Variants in WWP1 observed in about 807,000 individuals in gnomAD.
WWP1 encodes the protein WW domain containing E3 ubiquitin protein ligase 1, also known as NEDD4-like E3 ubiquitin-protein ligase WWP1.
Under a neutral mutation model 130.6 loss-of-function variants are expected in WWP1, and 49 were observed. The ratio of observed to expected loss-of-function variants is 0.38; its 90% CI spans 0.30 to 0.48. The LOEUF is 0.48. WWP1 is among the 20% of genes least tolerant of loss of function. The pLI, the probability that WWP1 is intolerant of heterozygous loss-of-function variation, is 0.99. For missense variants in WWP1, 809 were observed against 1,100.6 expected, an observed-to-expected ratio of 0.74 and a Z score of 3.75; for synonymous variants, 332 against 367.8, an observed-to-expected ratio of 0.90 and a Z score of 1.11.
chr8:86,353,638 A>G (rs1022975075), intron 1 of WWP1, among the ~76,000 whole-genome samples: 1 of 152,008 alleles, frequency 6.6e-6, no homozygotes, highest in African/African-American at 2.4e-5. Flanking sequence ...GATTATAGGT[A>G]CGTGACACCT....
intron 8 of WWP1, 99 bp downstream of exon 8, chr8:86,402,302 T>C: frequency 7.1e-7 from 1 of 1,402,494 alleles, no homozygotes. Flanking sequence ...AGTCTTTTTT[T>C]TGAGACGGAG....
At chr8:86,454,303 T>A (rs1458975242) in intron 21 of WWP1, among the ~76,000 whole-genome samples, 4 of 152,128 alleles carry the variant, frequency 2.6e-5, no homozygotes, top group African/African-American at 2.4e-5. Context: ...TTATTTTTTT[T>A]AATTGTCATA....
At position 86,411,806 on chromosome 8, in the gene WWP1, G is replaced by T. The variant is rs373766321; in HGVS notation, c.993G>T (p.Gln331His). ...CTTTTGAAGCAGCCAAATCAAGACA[G>T]CCAGATGGGTGTATGGATCCTGTAC... ...SSAFEAAKSR[Q>H]PDGCMDPVRQ... Residue 331 changes from glutamine (Q) to histidine (H), a missense_variant, in exon 9 of 25, where the codon CAG becomes CAT. By Grantham distance (24) the Gln-to-His change is conservative. Around this residue, in one of 3 missense-constraint regions of WWP1, gnomAD observed 97 missense variants for 80.4 expected, o/e 1.21. Transcript: ENST00000517970. 1 of 1,613,986 alleles carries T rather than the reference G, an allele frequency of 6.2e-7. No individual in the cohort carries two copies. The highest frequency in any genetic ancestry group is 8.5e-7 in the Non-Finnish European group (1 of 1,180,036).
intron 2 of WWP1, among the ~76,000 whole-genome samples, chr8:86,371,025 C>G (rs894690051): frequency 6.7e-6 from 1 of 150,046 alleles, no homozygotes; most frequent in Non-Finnish European, 1.5e-5. Flanking sequence ...GCCACCTCGC[C>G]TGGCTAATTT....
At chr8:86,369,527 G>T (rs899089386) in intron 2 of WWP1, among the ~76,000 whole-genome samples, 1 of 152,134 alleles carries the variant, frequency 6.6e-6, no homozygotes, top group Admixed American at 6.5e-5. Flanking sequence ...AAAGTTTCAT[G>T]TAGTAAAGTG....
chr8:86,457,841 C>G, intron 21 of WWP1, 80 bp from the exon 22 acceptor site: 1 of 1,345,166 alleles, frequency 7.4e-7, no homozygotes. Flanking sequence ...ATGTGCATAA[C>G]TGCATTAGGA....
intron 16 of WWP1, among the ~76,000 whole-genome samples, chr8:86,436,017 A>G (rs1810270883): frequency 1.3e-5 from 2 of 152,144 alleles, no homozygotes; most frequent in Admixed American, 6.5e-5. Context: ...CATTTTAATC[A>G]TAGTTACACT....
chr8:86,399,526 T>G (rs2130492752), intron 7 of WWP1, among the ~76,000 whole-genome samples: 1 of 152,372 alleles, frequency 6.6e-6, no homozygotes, highest in East Asian at 1.9e-4. Flanking sequence ...GTGACTTTTA[T>G]TAATCTATAG....
rs749204210 is a variant in WWP1 at position 86,402,202 on chromosome 8, T to G, written c.723T>G (p.Thr241=). 6 of 1,613,022 alleles carry G rather than the reference T, an allele frequency of 3.7e-6. No homozygotes were observed. Among genetic ancestry groups the G allele is most frequent in the Non-Finnish European group, 5.1e-6 (6 of 1,179,618 alleles). The change falls in exon 8 of 25, where the codon ACT becomes ACG. Residue 241 remains threonine (T), a splice_region_variant and synonymous_variant. Transcript: ENST00000517970. ...KPLASEPADD[T]VNGESSSFAP... ...TCGCATCTGAGCCTGCCGATGACAC[T>G]GGTAAGCAAGGCTATTTATGACACC...
chr8:86,425,952 A>T (rs1586429697), intron 10 of WWP1, among the ~76,000 whole-genome samples: 1 of 150,432 alleles, frequency 6.6e-6, no homozygotes, highest in Admixed American at 6.6e-5. Flanking sequence ...CACACATTCT[A>T]TGTGTACCTG....
intron 4 of WWP1, 115 bp downstream of exon 4, chr8:86,380,979 A>C: frequency 7.8e-7 from 1 of 1,279,326 alleles, no homozygotes; most frequent in Non-Finnish European, 1.0e-6. Flanking sequence ...TAAAGTGTGG[A>C]TCGACAATTT....
At chr8:86,396,611 T>A (rs1192203386) in intron 5 of WWP1, among the ~76,000 whole-genome samples, 1 of 151,832 alleles carries the variant, frequency 6.6e-6, no homozygotes, top group Non-Finnish European at 1.5e-5. Flanking sequence ...CTTTCTTTTT[T>A]CAGACAGGGT....
intron 1 of WWP1, among the ~76,000 whole-genome samples, chr8:86,347,107 C>T (rs548617759): frequency 7.7e-4 from 117 of 152,164 alleles, no homozygotes; most frequent in African/African-American, 2.8e-3. Flanking sequence ...ACCTCAGCCT[C>T]CCAAGTACTT....
chr8:86,377,225 A>G lies in WWP1; in HGVS notation c.70+3105A>G, dbSNP rs555323290. 6.0e-5 allele frequency among the ~76,000 whole-genome samples: 9 copies of G among 150,328 alleles called. 1 individual carries two copies. The South Asian group carries it at 1.9e-3, about 32-fold the overall frequency. ...ATCAGCCTCCCAAATAGCTGAGATT[A>G]CAGGTGCATGCCAGCATTCCTGTCT... On this transcript the variant is annotated intron_variant, in intron 3 of 24. Transcript: ENST00000517970.
At chr8:86,346,881 A>G (rs965674674) in intron 1 of WWP1, among the ~76,000 whole-genome samples, 2 of 152,248 alleles carry the variant, frequency 1.3e-5, no homozygotes, top group Non-Finnish European at 2.9e-5. Context: ...TAAGAATTGT[A>G]CTATACCTTA....
At chr8:86,409,226 C>CTTTTTTTTTTTT (rs1230976832) in intron 8 of WWP1, among the ~76,000 whole-genome samples, 15 of 100,522 alleles carry the variant, frequency 1.5e-4, no homozygotes, top group South Asian at 3.4e-4. Context: ...CTTTTTCTTT[C>CTTTTTTTTTTTT]TTTTTTTTTT....
chr8:86,413,380 C>CT (rs1421259329), intron 9 of WWP1, among the ~76,000 whole-genome samples: 4 of 152,020 alleles, frequency 2.6e-5, no homozygotes, highest in East Asian at 1.9e-4. Context: ...ACCTCATCGT[C>CT]TAAGTGGTGG....
At chr8:86,371,040 A>AT (rs34031275) in intron 2 of WWP1, among the ~76,000 whole-genome samples, 2,199 of 96,906 alleles carry the variant, frequency 0.023, 27 homozygotes, top group Middle Eastern at 0.03. Context: ...TAATTTTTGT[A>AT]TTTTTTTTTT....
intron 24 of WWP1, among the ~76,000 whole-genome samples, chr8:86,465,191 A>G (rs978881251): frequency 6.6e-6 from 1 of 152,202 alleles, no homozygotes; most frequent in African/African-American, 2.4e-5. Flanking sequence ...AGAGCATGAA[A>G]CAAGTTGACA....
Sources: gnomAD v4.1 joint callset for allele counts (sites outside exome capture counted in the v4.1 genomes callset) on GRCh38, gnomAD v4.1.1 for gene constraint, gnomAD v4.1.1 regional missense constraint, MANE v1.5 for transcripts, NCBI Gene and HGNC (gene_info 2026-07-23, HGNC 2026-07-21) for gene names.